SLC47A2: variants seen among roughly 807,000 people sequenced by gnomAD.
SLC47A2 encodes the protein multidrug and toxin extrusion protein 2.
SLC47A2 carries 52 observed loss-of-function variants against 67.7 expected under a neutral mutation model. That is an observed-to-expected ratio of 0.77 (90% confidence interval 0.61 to 0.97). The LOEUF is 0.97. Ranked by LOEUF, SLC47A2 falls within the 50% of genes least tolerant of loss-of-function variation. The pLI is 0.00. For missense variants in SLC47A2, 676 were observed against 712.3 expected, an observed-to-expected ratio of 0.95 and a Z score of 0.58; for synonymous variants, 278 against 292.9, an observed-to-expected ratio of 0.95 and a Z score of 0.52.
At position 19,713,907 on chromosome 17, in the gene SLC47A2, G is replaced by A. The variant is rs769018898; in HGVS notation, c.361C>T (p.Leu121Phe). The A allele has an allele frequency of 1.9e-6, 3 of 1,613,882 alleles. No individual in the cohort carries two copies. Among genetic ancestry groups the A allele is most frequent in the Middle Eastern group, 1.7e-4 (1 of 6,032 alleles). Residue 121 changes from leucine to phenylalanine, a missense_variant, in exon 4 of 17, where the codon CTC (leucine) becomes TTC (phenylalanine). Physicochemically the swap from Leu to Phe is conservative, Grantham distance 22. Coordinates refer to ENST00000433844, the MANE Select transcript of SLC47A2 (RefSeq NM_001099646.3). ...AGCGCCCAGCAAGGGAGGCAGCAGA[G>A]GAGCAGGACCAGCGCGCCCCGCTGC... Reference protein sequence around the residue: ...ILQRGALVLLLCCLPCWALFL... With the variant: ...ILQRGALVLLFCCLPCWALFL...
chr17:19,678,471 C>G lies in SLC47A2; in HGVS notation c.*215G>C. 1 of 587,206 alleles carries G rather than the reference C, an allele frequency of 1.7e-6. No individual in the cohort carries two copies. The highest frequency in any genetic ancestry group is 3.0e-6 in the Non-Finnish European group (1 of 329,954). The allele number at this position is 587,206 out of a possible 1,614,324, so 36.4% of individuals were successfully genotyped here. A position where few individuals can be genotyped will look rare whatever the true frequency, so the allele number is the denominator to read the frequency against. ...GTCTTCTGTAGAGCAGTCCAAGTCA[C>G]AGAAGAAAACTCCAGCTTGACCAGA... On this transcript the variant is annotated 3_prime_UTR_variant, in exon 17 of 17. Transcript: ENST00000433844.
chr17:19,705,862 G>C (rs2085921100), intron 9 of SLC47A2, among the ~76,000 whole-genome samples: 2 of 152,354 alleles, frequency 1.3e-5, no homozygotes, highest in South Asian at 4.1e-4. Context: ...GCCTTTCAAA[G>C]TGCAGGGATT....
At chr17:19,698,968 A>G (rs995614315) in intron 13 of SLC47A2, among the ~76,000 whole-genome samples, 2 of 152,248 alleles carry the variant, frequency 1.3e-5, no homozygotes, top group Non-Finnish European at 2.9e-5. Flanking sequence ...CATAGGTTAT[A>G]GGCAAATTCT....
At chr17:19,681,269 G>A (rs1268173749) in intron 15 of SLC47A2, 98 bp downstream of exon 15, 1 of 981,238 alleles carries the variant, frequency 1.0e-6, no homozygotes, top group East Asian at 2.6e-5. Context: ...CTGCTGCCAA[G>A]TTCTGATGTG....
At chr17:19,697,922 C>G (rs1237183139) in intron 13 of SLC47A2, among the ~76,000 whole-genome samples, 1 of 151,962 alleles carries the variant, frequency 6.6e-6, no homozygotes, top group Non-Finnish European at 1.5e-5. Context: ...GGGCAAAAGA[C>G]TAAAATAGAA....
At chr17:19,713,508 C>T (rs889282935) in intron 4 of SLC47A2, among the ~76,000 whole-genome samples, 6 of 152,222 alleles carry the variant, frequency 3.9e-5, no homozygotes, top group Non-Finnish European at 8.8e-5. Context: ...TTCATTTCTT[C>T]GAAAGCATCT....
chr17:19,710,188 G>A (rs112801890), intron 5 of SLC47A2, among the ~76,000 whole-genome samples: 3,463 of 152,250 alleles, frequency 0.023, 131 homozygotes, highest in African/African-American at 0.079. Context: ...ACTGCCAGTC[G>A]TAACAGGCAT....
chr17:19,681,226 CAAA>C (rs565026578), intron 15 of SLC47A2, 138 bp downstream of exon 15: 4 of 601,822 alleles, frequency 6.6e-6, no homozygotes, highest in African/African-American at 3.9e-5. Context: ...AACAAACAAA[CAAA>C]AAAAAAAAAC....
chr17:19,678,890 G>C lies in SLC47A2; in HGVS notation c.1497C>G (p.Ser499=). The change falls in exon 17 of 17, where the codon TCC becomes TCG. Residue 499 remains serine (S), a synonymous_variant. Coordinates refer to ENST00000433844, the MANE Select transcript of SLC47A2 (RefSeq NM_001099646.3). ...AATACGTTGTCAAGGTAATGCCAGG[G>C]GAACTGCCTGTAGCCACTGCGGAAG... The part of the protein sequence containing the change: ...AVLSSVATGS[S]PGITLTTYSR... The C allele has an allele frequency of 6.3e-7, 1 of 1,577,382 alleles. No individual in the cohort carries two copies. The highest frequency in any genetic ancestry group is 8.6e-7 in the Non-Finnish European group (1 of 1,160,124).
chr17:19,713,618 G>T (rs1250366416), intron 4 of SLC47A2, among the ~76,000 whole-genome samples: 1 of 152,216 alleles, frequency 6.6e-6, no homozygotes, highest in East Asian at 1.9e-4. Flanking sequence ...GCGTTTGTCC[G>T]CCTCTGTCCC....
intron 10 of SLC47A2, chr17:19,704,730 G>C: frequency 6.5e-7 from 1 of 1,541,290 alleles, no homozygotes. Flanking sequence ...GGCTGTGGTG[G>C]AGGAGAGCCC....
In SLC47A2 at chr17:19,693,077, G is replaced by A. The variant is rs148107277; in HGVS notation, c.1164+9528C>T. On this transcript the variant is annotated intron_variant, in intron 13 of 16. Transcript: ENST00000433844. ...ACCCGGGAGGCAGAGATTGCAGTAA[G>A]CCCAGATTACGCCACTGCACTCCAG... is the stretch of plus-strand genomic sequence containing the variant. Among the ~76,000 whole-genome samples the A allele has an allele frequency of 2.8e-3, 422 of 152,140 alleles. 3 individuals are homozygous for A. The highest frequency in any genetic ancestry group is 9.5e-3 in the African/African-American group (393 of 41,488).
At chr17:19,690,996 C>A (rs1312051397) in intron 13 of SLC47A2, among the ~76,000 whole-genome samples, 1 of 151,974 alleles carries the variant, frequency 6.6e-6, no homozygotes, top group Admixed American at 6.6e-5. Flanking sequence ...GTGGTGCATG[C>A]CTATAATCCT....
At chr17:19,681,022 G>T (rs570063310) in intron 15 of SLC47A2, among the ~76,000 whole-genome samples, 20 of 152,148 alleles carry the variant, frequency 1.3e-4, no homozygotes, top group African/African-American at 4.8e-4. Flanking sequence ...GACCATCCTG[G>T]CTAACACGGT....
rs899051771 is a variant in SLC47A2 at position 19,679,855 on chromosome 17, C to G, written c.1480+97G>C. 1.5e-5 allele frequency: 19 copies of G among 1,225,824 alleles called. No homozygotes were observed. In the African/African-American group the frequency reaches 2.8e-4, roughly 18 times the overall value. The allele number at this position is 1,225,824 out of a possible 1,614,324, so 75.9% of individuals were successfully genotyped here. A position where few individuals can be genotyped will look rare whatever the true frequency, so the allele number is the denominator to read the frequency against. On this transcript the variant is annotated intron_variant, in intron 16 of 16. Transcript: ENST00000433844. ...GGAAGAAAAATAGCTTGGGCTTGTACAATTTCCAATTGCATGAGGCACAGA... is the reference window on the plus strand; with the variant it reads ...GGAAGAAAAATAGCTTGGGCTTGTAGAATTTCCAATTGCATGAGGCACAGA...
Position 19,678,974 on chromosome 17 carries a change from G to T in SLC47A2, c.1481-68C>A. ...GAGGGAGAGCTTTGGCCTTGGAATC[G>T]GGAAACCTAGGTTAACCACCTGGCT... On this transcript the variant is annotated intron_variant, in intron 16 of 16. Coordinates refer to ENST00000433844, the MANE Select transcript of SLC47A2 (RefSeq NM_001099646.3). 2.9e-6 allele frequency: 4 copies of T among 1,375,732 alleles called. No homozygotes were observed. The Admixed American group carries it at 7.9e-5, about 27-fold the overall frequency. The allele number at this position is 1,375,732 out of a possible 1,614,324, so 85.2% of individuals were successfully genotyped here. A position where few individuals can be genotyped will look rare whatever the true frequency, so the allele number is the denominator to read the frequency against.
At chr17:19,708,642 C>A in intron 6 of SLC47A2, 74 bp downstream of exon 6, 1 of 1,601,148 alleles carries the variant, frequency 6.2e-7, no homozygotes, top group Non-Finnish European at 8.5e-7. Flanking sequence ...AAGGGGAAAG[C>A]CCCAGGCCCC....
rs950447052 is a variant in SLC47A2 at position 19,705,245 on chromosome 17, G to A, written c.909+191C>T. The stretch of plus-strand genomic sequence containing the variant: ...TGTGAGTGAAATATCACCCTTGGTC[G>A]TCAGGTTGTGGGCACCTGTGTGTGA... On this transcript the variant is annotated intron_variant, in intron 10 of 16. Coordinates refer to ENST00000433844, the MANE Select transcript of SLC47A2 (RefSeq NM_001099646.3). 1.8e-4 allele frequency: 88 copies of A among 496,630 alleles called. No homozygotes were observed. In the East Asian group the frequency reaches 1.9e-3, roughly 11 times the overall value. 30.8% of individuals were successfully genotyped at this position (496,630 alleles called of 1,614,324 possible).
At position 19,678,593 on chromosome 17, in the gene SLC47A2, A is replaced by ACTAGACC. The variant is rs2085239215; in HGVS notation, c.*86_*92dup. The ACTAGACC allele has an allele frequency of 7.5e-7, 1 of 1,336,392 alleles. No homozygotes were observed. The highest frequency in any genetic ancestry group is 1.1e-6 in the Non-Finnish European group (1 of 940,296). 82.8% of individuals were successfully genotyped at this position (1,336,392 alleles called of 1,614,324 possible). A position where few individuals can be genotyped will look rare whatever the true frequency, so the allele number is the denominator to read the frequency against. The stretch of plus-strand genomic sequence containing the variant: ...GGAGTGGTTCAAAGTGTCCACCTGC[A>ACTAGACC]CTAGACCCCATTGGTGTTTTTGCAG... On this transcript the variant is annotated 3_prime_UTR_variant, in exon 17 of 17. Coordinates refer to ENST00000433844, the MANE Select transcript of SLC47A2 (RefSeq NM_001099646.3).
Sources: gnomAD v4.1 joint callset for allele counts (sites outside exome capture counted in the v4.1 genomes callset) on GRCh38, gnomAD v4.1.1 for gene constraint, MANE v1.5 for transcripts, NCBI Gene and HGNC (gene_info 2026-07-23, HGNC 2026-07-21) for gene names.